NUMB: variants seen among roughly 807,000 people sequenced by gnomAD.
NUMB encodes the protein NUMB endocytic adaptor protein.
A neutral mutation model predicts 59.7 loss-of-function variants in NUMB; 29 were observed. The observed-to-expected ratio is 0.49, with a 90% CI of 0.36 to 0.66. The LOEUF is 0.66. Ranked by LOEUF, NUMB falls within the 30% of genes least tolerant of loss-of-function variation. The pLI is 0.00. For missense variants in NUMB, 723 were observed against 822.0 expected, an observed-to-expected ratio of 0.88 and a Z score of 1.47; for synonymous variants, 288 against 288.2, an observed-to-expected ratio of 1.00 and a Z score of 0.01.
intron 2 of NUMB, among the ~76,000 whole-genome samples, chr14:73,373,611 AG>A (rs888704384): frequency 6.6e-5 from 10 of 152,242 alleles, no homozygotes; most frequent in African/African-American, 1.9e-4. Context: ...ATTTTGAACA[AG>A]GTAAAGGAGT....
At chr14:73,446,053 G>C (rs2140198261) in intron 1 of NUMB, among the ~76,000 whole-genome samples, 1 of 148,998 alleles carries the variant, frequency 6.7e-6, no homozygotes, top group Admixed American at 6.7e-5. Flanking sequence ...CTCGAGTCCA[G>C]TGGCACGATC....
chr14:73,317,170 T>G (rs755852634), intron 5 of NUMB, among the ~76,000 whole-genome samples: 2 of 152,242 alleles, frequency 1.3e-5, no homozygotes, highest in Admixed American at 6.5e-5. Flanking sequence ...GTTACAAGGC[T>G]AATGTTTATA....
At chr14:73,287,350 C>A (rs946482262) in intron 8 of NUMB, 36 bp from the exon 9 acceptor site, 2 of 1,490,922 alleles carry the variant, frequency 1.3e-6, no homozygotes, top group African/African-American at 2.8e-5. Context: ...TTCAGAATTA[C>A]ACTACTAACA....
rs1040414788 is a variant in NUMB at position 73,284,650 on chromosome 14, T to C, written c.656-276A>G. 9.3e-5 allele frequency: 26 copies of C among 278,094 alleles called. 1 individual carries two copies. Among genetic ancestry groups the C allele is most frequent in the African/African-American group, 5.1e-4 (23 of 45,180 alleles). 17.2% of individuals were successfully genotyped at this position (278,094 alleles called of 1,614,324 possible). ...TAAATTAAGACTGTGAAAAAGATCT[T>C]AAAAACTCAGTTCCTATGAATTCCT... On this transcript the variant is annotated intron_variant, in intron 9 of 12. Transcript: ENST00000555238.
chr14:73,339,520 C>T (rs940799024), intron 4 of NUMB, among the ~76,000 whole-genome samples: 19 of 152,156 alleles, frequency 1.2e-4, no homozygotes, highest in Non-Finnish European at 2.5e-4. Flanking sequence ...GTTACTTTTT[C>T]AGTGAGGGAT....
intron 6 of NUMB, among the ~76,000 whole-genome samples, chr14:73,308,141 G>A (rs575193979): frequency 6.6e-6 from 1 of 152,314 alleles, no homozygotes; most frequent in African/African-American, 2.4e-5. Context: ...CTACTGCAAT[G>A]GTTCAGATAA....
intron 8 of NUMB, among the ~76,000 whole-genome samples, chr14:73,291,681 A>AT (rs1889411675): frequency 6.7e-6 from 1 of 149,018 alleles, no homozygotes; most frequent in Non-Finnish European, 1.5e-5. Context: ...CCCGGCCAGT[A>AT]TTTCTTTTTT....
intron 2 of NUMB, among the ~76,000 whole-genome samples, chr14:73,398,567 T>C (rs1321988764): frequency 6.6e-6 from 1 of 151,832 alleles, no homozygotes; most frequent in East Asian, 1.9e-4. Flanking sequence ...CTACAGCAAA[T>C]ATATATTATT....
At chr14:73,362,973 A>C (rs1001356122) in intron 3 of NUMB, among the ~76,000 whole-genome samples, 3 of 151,884 alleles carry the variant, frequency 2.0e-5, no homozygotes, top group African/African-American at 4.8e-5. Context: ...ACATAGTGAG[A>C]CCCTGTCTCT....
intron 4 of NUMB, among the ~76,000 whole-genome samples, chr14:73,339,580 TG>T (rs1258759526): frequency 2.0e-5 from 3 of 152,194 alleles, no homozygotes; most frequent in Non-Finnish European, 4.4e-5. Context: ...TAAATAGACA[TG>T]GGGTTTTGCT....
At chr14:73,315,235 G>T (rs10134224) in intron 6 of NUMB, among the ~76,000 whole-genome samples, 84,489 of 151,872 alleles carry the variant, frequency 0.56, 24,120 homozygotes, top group East Asian at 0.72. Flanking sequence ...TTAAAACAAA[G>T]TTCCAAAATG....
Position 73,293,393 on chromosome 14 carries a change from CTTTTTTTTT to C in NUMB, c.310-528_310-520del, listed in dbSNP as rs56116167. Among the ~76,000 whole-genome samples, 601 of 95,600 alleles carry C rather than the reference CTTTTTTTTT, an allele frequency of 6.3e-3. 2 individuals carry two copies. The highest frequency in any genetic ancestry group is 0.011 in the Non-Finnish European group (488 of 46,310). The allele number at this position is 95,600 out of a possible 152,430, so 62.7% of individuals were successfully genotyped here. ...GTGGAATTTCCACTCGTTTCTTTTT[CTTTTTTTTT>C]TTTTTTTTTTGGACAGTCTCACTCT... On this transcript the variant is annotated intron_variant, in intron 7 of 12. Transcript: ENST00000555238.
At chr14:73,340,702 A>C (rs1293084544) in intron 4 of NUMB, among the ~76,000 whole-genome samples, 2 of 152,250 alleles carry the variant, frequency 1.3e-5, no homozygotes, top group African/African-American at 4.8e-5. Flanking sequence ...ATACTAAACA[A>C]TATTAAAAGT....
chr14:73,320,262 C>T (rs780366708), intron 5 of NUMB, among the ~76,000 whole-genome samples: 9 of 152,172 alleles, frequency 5.9e-5, no homozygotes, highest in Non-Finnish European at 1.2e-4. Context: ...ATAACATTTG[C>T]TCCAAATCTA....
intron 4 of NUMB, among the ~76,000 whole-genome samples, chr14:73,327,544 T>G (rs1594909259): frequency 6.6e-6 from 1 of 151,840 alleles, no homozygotes; most frequent in Non-Finnish European, 1.5e-5. Context: ...TGTGAGCCAC[T>G]GCACCTGGAC....
chr14:73,425,218 G>A (rs1897528192), intron 1 of NUMB, among the ~76,000 whole-genome samples: 1 of 152,062 alleles, frequency 6.6e-6, no homozygotes, highest in Admixed American at 6.6e-5. Context: ...AGAGCTTAAA[G>A]GAGTATCAAT....
chr14:73,456,264 C>G (rs1029100644), intron 1 of NUMB, among the ~76,000 whole-genome samples: 1 of 152,104 alleles, frequency 6.6e-6, no homozygotes, highest in Non-Finnish European at 1.5e-5. Context: ...CACGCGCCAC[C>G]ACGCCCAGCT....
chr14:73,309,134 T>C (rs1032164147), intron 6 of NUMB, among the ~76,000 whole-genome samples: 8 of 151,994 alleles, frequency 5.3e-5, no homozygotes, highest in African/African-American at 1.7e-4. Context: ...GGTGGAGGAG[T>C]TGGCCTCTGT....
intron 4 of NUMB, among the ~76,000 whole-genome samples, chr14:73,338,185 G>C (rs1315140761): frequency 6.6e-6 from 1 of 152,014 alleles, no homozygotes; most frequent in Non-Finnish European, 1.5e-5. Context: ...TAGTCAGGAG[G>C]CTGAGGCAAG....
Sources: gnomAD v4.1 joint callset for allele counts (sites outside exome capture counted in the v4.1 genomes callset) on GRCh38, gnomAD v4.1.1 for gene constraint, MANE v1.5 for transcripts, NCBI Gene and HGNC (gene_info 2026-07-23, HGNC 2026-07-21) for gene names.